CNTN5: variants seen among roughly 807,000 people sequenced by gnomAD.
CNTN5 encodes the protein contactin 5.
CNTN5 carries 77 observed loss-of-function variants against 129.1 expected under a neutral mutation model. The ratio of observed to expected loss-of-function variants is 0.60; its 90% confidence interval spans 0.50 to 0.72. The LOEUF is 0.72. Among genes scored for constraint, CNTN5 ranks in the 30% least tolerant of loss-of-function variants. The pLI, the probability that CNTN5 is intolerant of heterozygous loss-of-function variation, is 0.00. For missense variants in CNTN5, 1,478 were observed against 1,328.8 expected, an observed-to-expected ratio of 1.11 and a Z score of -1.75; for synonymous variants, 509 against 465.6, an observed-to-expected ratio of 1.09 and a Z score of -1.20.
At chr11:99,777,579 G>A (rs1485265587) in intron 3 of CNTN5, among the ~76,000 whole-genome samples, 3 of 151,670 alleles carry the variant, frequency 2.0e-5, no homozygotes, top group Admixed American at 6.6e-5. Context: ...CAATCAAAAA[G>A]TGTTAATTCT....
At chr11:100,149,842 C>T (rs1014810410) in intron 13 of CNTN5, among the ~76,000 whole-genome samples, 1 of 145,058 alleles carries the variant, frequency 6.9e-6, no homozygotes, top group East Asian at 2.0e-4. Context: ...TGCAGTGAGC[C>T]GAGCTTGTGC....
At chr11:99,574,345 G>A (rs1317192530) in intron 3 of CNTN5, among the ~76,000 whole-genome samples, 1 of 152,072 alleles carries the variant, frequency 6.6e-6, no homozygotes, top group Non-Finnish European at 1.5e-5. Context: ...CCTTGCTATT[G>A]TGAATAGTGC....
At chr11:99,264,971 T>A (rs1862820366) in intron 1 of CNTN5, among the ~76,000 whole-genome samples, 1 of 152,046 alleles carries the variant, frequency 6.6e-6, no homozygotes, top group Admixed American at 6.6e-5. Context: ...CCTTAGATAC[T>A]TTTATTGCAA....
chr11:99,774,954 A>G (rs1287321930), intron 3 of CNTN5, among the ~76,000 whole-genome samples: 1 of 152,090 alleles, frequency 6.6e-6, no homozygotes, highest in Non-Finnish European at 1.5e-5. Context: ...ATTTGGATCT[A>G]TTTTATAATC....
intron 13 of CNTN5, among the ~76,000 whole-genome samples, chr11:100,087,704 A>C (rs1156994315): frequency 6.6e-6 from 1 of 151,974 alleles, no homozygotes; most frequent in Non-Finnish European, 1.5e-5. Context: ...TCCTACTTAG[A>C]GCATTAGACA....
In CNTN5 at chr11:100,289,649, T is replaced by C. The variant is rs1314759739; in HGVS notation, c.2315-7976T>C. 2.0e-5 allele frequency among the ~76,000 whole-genome samples: 3 copies of C among 151,816 alleles called. No individual in the cohort carries two copies. The East Asian group carries it at 5.8e-4, about 29-fold the overall frequency. On this transcript the variant is annotated intron_variant, in intron 18 of 24. Transcript: ENST00000524871. ...CTATCTATGACAAACCCACAGCCAA[T>C]ATCATACCGAATGGGCAAAAACTGG...
At chr11:99,423,282 G>T (rs180764318) in intron 2 of CNTN5, among the ~76,000 whole-genome samples, 15 of 152,264 alleles carry the variant, frequency 9.9e-5, no homozygotes, top group Non-Finnish European at 1.9e-4. Flanking sequence ...TATGACAGGA[G>T]TTAGTCTTGC....
chr11:99,775,478 TG>T lies in CNTN5; in HGVS notation c.56-44065del, dbSNP rs1280456054. On this transcript the variant is annotated intron_variant, in intron 3 of 24. Coordinates refer to ENST00000524871, the MANE Select transcript of CNTN5 (RefSeq NM_014361.4). Reference sequence around the variant, plus strand: ...AAATATAAAAATATATTGTGATTAATGTCTCATCTACTGAAGAGCTTTGGTC... The same window carrying T: ...AAATATAAAAATATATTGTGATTAATTCTCATCTACTGAAGAGCTTTGGTC... 2.6e-5 allele frequency among the ~76,000 whole-genome samples: 4 copies of T among 152,142 alleles called. No homozygotes were observed. In the East Asian group the frequency reaches 7.7e-4, roughly 29 times the overall value.
chr11:99,796,830 G>GT (rs1017414872), intron 3 of CNTN5, among the ~76,000 whole-genome samples: 4 of 152,040 alleles, frequency 2.6e-5, no homozygotes, highest in Admixed American at 6.5e-5. Flanking sequence ...CACTGGCTGG[G>GT]TTTTTTTCCC....
intron 3 of CNTN5, among the ~76,000 whole-genome samples, chr11:99,809,288 T>G (rs1291014843): frequency 6.6e-6 from 1 of 152,222 alleles, no homozygotes; most frequent in African/African-American, 2.4e-5. Context: ...TGAGTGGCTC[T>G]GTTGCTAAGT....
chr11:99,517,149 TAC>T (rs1169568951), intron 2 of CNTN5, among the ~76,000 whole-genome samples: 2 of 152,124 alleles, frequency 1.3e-5, no homozygotes, highest in Admixed American at 6.6e-5. Flanking sequence ...ACCAGTCAAA[TAC>T]AGGGAGGTTA....
chr11:99,097,557 G>A (rs1173653928), intron 1 of CNTN5, among the ~76,000 whole-genome samples: 1 of 151,740 alleles, frequency 6.6e-6, no homozygotes, highest in East Asian at 1.9e-4. Context: ...TGCATTTACA[G>A]AGATAATAAA....
intron 6 of CNTN5, among the ~76,000 whole-genome samples, chr11:99,850,977 A>G (rs1480359976): frequency 1.3e-5 from 2 of 152,182 alleles, no homozygotes; most frequent in Non-Finnish European, 2.9e-5. Context: ...AACCGGAACT[A>G]GAATTTAATC....
chr11:99,143,328 A>T (rs1468838806), intron 1 of CNTN5, among the ~76,000 whole-genome samples: 1 of 136,854 alleles, frequency 7.3e-6, no homozygotes, highest in Non-Finnish European at 1.6e-5. Flanking sequence ...TAAAATATGT[A>T]ATATATATGT....
chr11:99,123,772 C>A (rs973315291), intron 1 of CNTN5, among the ~76,000 whole-genome samples: 10 of 151,922 alleles, frequency 6.6e-5, no homozygotes, highest in African/African-American at 2.2e-4. Flanking sequence ...TATGGCTAGC[C>A]AGTTATCCTA....
At chr11:99,678,471 G>A (rs1375577940) in intron 3 of CNTN5, among the ~76,000 whole-genome samples, 1 of 152,066 alleles carries the variant, frequency 6.6e-6, no homozygotes, top group Non-Finnish European at 1.5e-5. Context: ...CAGACATCCA[G>A]GAAGGAATGC....
chr11:99,945,842 C>A (rs1196043734), intron 7 of CNTN5, among the ~76,000 whole-genome samples: 2 of 151,914 alleles, frequency 1.3e-5, no homozygotes, highest in African/African-American at 4.8e-5. Context: ...AGCTGGAATA[C>A]GAATCTAGGC....
intron 1 of CNTN5, among the ~76,000 whole-genome samples, chr11:99,276,021 G>A (rs1863410947): frequency 6.6e-6 from 1 of 151,514 alleles, no homozygotes; most frequent in African/African-American, 2.4e-5. Flanking sequence ...TTCCTAGAAA[G>A]CCCAACTTAT....
intron 3 of CNTN5, among the ~76,000 whole-genome samples, chr11:99,619,132 C>G (rs1042935582): frequency 6.6e-6 from 1 of 152,040 alleles, no homozygotes; most frequent in African/African-American, 2.4e-5. Context: ...TTGTCCCATT[C>G]AAGATCAAAA....
Sources: allele counts gnomAD v4.1 joint callset (sites outside exome capture counted in the v4.1 genomes callset), GRCh38; gene constraint gnomAD v4.1.1; transcripts MANE v1.5; gene names NCBI Gene and HGNC (gene_info 2026-07-23, HGNC 2026-07-21).